MALRD1: variants seen among roughly 807,000 people sequenced by gnomAD.
MALRD1 encodes MAM and LDL-receptor class A domain-containing protein 1.
A neutral mutation model predicts 242.1 loss-of-function variants in MALRD1; 247 were observed. That is an observed-to-expected ratio of 1.02 (90% CI 0.92 to 1.13). The LOEUF (loss-of-function observed/expected upper bound fraction) is 1.13, where lower values mean the gene tolerates loss of function less well. Among genes scored for constraint, MALRD1 ranks in the 50% most tolerant of loss-of-function variants. The pLI, the probability that MALRD1 is intolerant of heterozygous loss-of-function variation, is 0.00. For missense variants in MALRD1, 2,989 were observed against 2,533.1 expected, an observed-to-expected ratio of 1.18 and a Z score of -3.86; for synonymous variants, 995 against 866.6, an observed-to-expected ratio of 1.15 and a Z score of -2.60.
intron 31 of MALRD1, among the ~76,000 whole-genome samples, chr10:19,527,404 A>C (rs902306736): frequency 1.3e-5 from 2 of 152,228 alleles, no homozygotes; most frequent in African/African-American, 4.8e-5. Flanking sequence ...GAATACATTT[A>C]CATAAATACA....
chr10:19,644,433 A>G (rs546486904), intron 36 of MALRD1, among the ~76,000 whole-genome samples: 135 of 978 alleles, frequency 0.14, no homozygotes, highest in African/African-American at 0.29. Context: ...CTACTTTGCT[A>G]GAAGAAACTT....
At chr10:19,593,018 A>G (rs1485163690) in intron 33 of MALRD1, among the ~76,000 whole-genome samples, 3 of 152,122 alleles carry the variant, frequency 2.0e-5, no homozygotes, top group Non-Finnish European at 2.9e-5. Context: ...AAAAAAAAAA[A>G]AAGAATTTCT....
At chr10:19,182,783 T>G (rs1835567166) in intron 14 of MALRD1, among the ~76,000 whole-genome samples, 5 of 152,160 alleles carry the variant, frequency 3.3e-5, no homozygotes, top group Admixed American at 2.0e-4. Flanking sequence ...AAAACTTCAC[T>G]TTTGGAGGAG....
In MALRD1 at chr10:19,595,441, A is replaced by AGAT. The variant is rs1284568287; in HGVS notation, c.5931_5933dup (p.Asp1977dup). 1.3e-6 allele frequency: 2 copies of AGAT among 1,550,006 alleles called. No homozygotes were observed. Among genetic ancestry groups the AGAT allele is most frequent in the East Asian group, 2.4e-5 (1 of 40,906 alleles). On this transcript the variant is annotated inframe_insertion, in exon 34 of 40. Coordinates refer to ENST00000454679, the MANE Select transcript of MALRD1 (RefSeq NM_001142308.3). The stretch of plus-strand genomic sequence containing the variant: ...GAGTGCCCGACTGCCACTTTAATGA[A>AGAT]GATGAGCTCATCTGCTGTGAGTTAT...
chr10:19,471,360 G>A (rs1836485431), intron 29 of MALRD1, among the ~76,000 whole-genome samples: 1 of 151,786 alleles, frequency 6.6e-6, no homozygotes, highest in African/African-American at 2.4e-5. Flanking sequence ...TTGAAATCAG[G>A]AAATATGATG....
intron 11 of MALRD1, among the ~76,000 whole-genome samples, chr10:19,151,845 A>C (rs1165136525): frequency 1.3e-5 from 2 of 152,066 alleles, no homozygotes; most frequent in Non-Finnish European, 2.9e-5. Flanking sequence ...CCCCTCTTGC[A>C]CTCCTGAACC....
intron 33 of MALRD1, among the ~76,000 whole-genome samples, chr10:19,580,366 C>A (rs1401894724): frequency 6.6e-6 from 1 of 151,976 alleles, no homozygotes; most frequent in Admixed American, 6.6e-5. Context: ...TTCTTCAGAT[C>A]TTATTTTCTT....
intron 1 of MALRD1, among the ~76,000 whole-genome samples, chr10:19,061,905 G>A (rs959990042): frequency 1.3e-5 from 2 of 152,060 alleles, no homozygotes; most frequent in Non-Finnish European, 2.9e-5. Context: ...AACAGCACAG[G>A]CAACAAAACA....
chr10:19,116,565 G>C (rs756961840), intron 5 of MALRD1, among the ~76,000 whole-genome samples: 2 of 152,168 alleles, frequency 1.3e-5, no homozygotes, highest in Non-Finnish European at 2.9e-5. Context: ...CAATGGCCTT[G>C]AGACTTGGAC....
intron 21 of MALRD1, among the ~76,000 whole-genome samples, chr10:19,306,869 A>G (rs1484547323): frequency 6.6e-6 from 1 of 151,396 alleles, no homozygotes; most frequent in Non-Finnish European, 1.5e-5. Context: ...CTCATTCACT[A>G]TCAAGAGAAC....
chr10:19,446,664 A>G (rs1481160857), intron 28 of MALRD1, among the ~76,000 whole-genome samples: 1 of 152,212 alleles, frequency 6.6e-6, no homozygotes, highest in African/African-American at 2.4e-5. Context: ...TTTGCAAGAC[A>G]AAAGTTCCAT....
intron 36 of MALRD1, among the ~76,000 whole-genome samples, chr10:19,640,684 T>C (rs1840345104): frequency 6.6e-6 from 1 of 152,172 alleles, no homozygotes; most frequent in East Asian, 1.9e-4. Flanking sequence ...TGTATCTTTC[T>C]AGGTCACTGT....
At chr10:19,189,961 A>C (rs1835901793) in intron 14 of MALRD1, among the ~76,000 whole-genome samples, 1 of 152,152 alleles carries the variant, frequency 6.6e-6, no homozygotes, top group Admixed American at 6.5e-5. Flanking sequence ...TACTAGCAAA[A>C]GCAATTAATT....
intron 31 of MALRD1, among the ~76,000 whole-genome samples, chr10:19,530,478 ATATT>A (rs1430660224): frequency 2.7e-4 from 37 of 138,072 alleles, no homozygotes; most frequent in Middle Eastern, 3.7e-3. Flanking sequence ...TAATTATATA[ATATT>A]TATATAAATA....
chr10:19,621,392 G>T (rs934449654), intron 36 of MALRD1, among the ~76,000 whole-genome samples: 9 of 134,810 alleles, frequency 6.7e-5, no homozygotes, highest in African/African-American at 1.9e-4. Flanking sequence ...TGAACCCAAG[G>T]AAATGAATTG....
intron 10 of MALRD1, among the ~76,000 whole-genome samples, chr10:19,138,422 AT>A (rs371584010): frequency 1.2e-4 from 16 of 136,608 alleles, no homozygotes; most frequent in Admixed American, 2.3e-4. Context: ...CACGTATTTA[AT>A]TTTTTTTTTT....
chr10:19,050,795 C>T (rs1340832424), intron 1 of MALRD1, among the ~76,000 whole-genome samples: 1 of 152,196 alleles, frequency 6.6e-6, no homozygotes, highest in Non-Finnish European at 1.5e-5. Context: ...GTTTGACAAG[C>T]AGTGCCAAGT....
chr10:19,667,816 A>G (rs971064694), intron 36 of MALRD1, among the ~76,000 whole-genome samples: 2 of 152,096 alleles, frequency 1.3e-5, no homozygotes, highest in Non-Finnish European at 2.9e-5. Flanking sequence ...CTTTATGGTA[A>G]TGTAATGATG....
chr10:19,458,610 G>C (rs1285177013), intron 29 of MALRD1, among the ~76,000 whole-genome samples: 1 of 152,056 alleles, frequency 6.6e-6, no homozygotes, highest in African/African-American at 2.4e-5. Context: ...TTTCTTTCCC[G>C]CATGTTTCCC....
Sources: allele counts gnomAD v4.1 joint callset (sites outside exome capture counted in the v4.1 genomes callset), GRCh38; gene constraint gnomAD v4.1.1; transcripts MANE v1.5; gene names NCBI Gene and HGNC (gene_info 2026-07-23, HGNC 2026-07-21).